Variants in THADA observed in about 807,000 individuals in gnomAD.
The protein encoded by THADA is tRNA (32-2'-O)-methyltransferase regulator THADA.
In THADA, 213 loss-of-function variants were observed where a neutral mutation model predicts 219.8. That is an observed-to-expected ratio of 0.97 (90% CI 0.87 to 1.09). The LOEUF (loss-of-function observed/expected upper bound fraction) is 1.09, where lower values mean the gene tolerates loss of function less well. Ranked by LOEUF, THADA falls within the 50% of genes least tolerant of loss-of-function variation. THADA has a pLI of 0.00. For synonymous variants in THADA, 1,018 were observed against 828.9 expected (o/e 1.23, Z -3.92); for missense variants, 2,956 against 2,311.3 (o/e 1.28, Z -5.72).
intron 36 of THADA, among the ~76,000 whole-genome samples, chr2:43,243,313 TGTCAGA>T (rs1287192223): frequency 4.6e-5 from 7 of 152,186 alleles, no homozygotes; most frequent in African/African-American, 1.7e-4. Context: ...CATTTTTGGT[TGTCAGA>T]GTCAGAGTTG....
chr2:43,246,375 G>T (rs1669148687), intron 36 of THADA, among the ~76,000 whole-genome samples: 1 of 152,052 alleles, frequency 6.6e-6, no homozygotes, highest in South Asian at 2.1e-4. Flanking sequence ...GGCGCCTGTA[G>T]TCCCAGCTAC....
chr2:43,458,701 G>A (rs1291228997), intron 26 of THADA, among the ~76,000 whole-genome samples: 1 of 152,024 alleles, frequency 6.6e-6, no homozygotes, highest in Non-Finnish European at 1.5e-5. Flanking sequence ...TGAAGAAAAT[G>A]AAAACAACCA....
At chr2:43,504,356 CCA>C (rs1296065540) in intron 24 of THADA, among the ~76,000 whole-genome samples, 1 of 152,060 alleles carries the variant, frequency 6.6e-6, no homozygotes, top group African/African-American at 2.4e-5. Flanking sequence ...GGATTCTTTC[CCA>C]CAGTCCACAT....
At chr2:43,327,808 A>T (rs933313346) in intron 30 of THADA, among the ~76,000 whole-genome samples, 3 of 152,158 alleles carry the variant, frequency 2.0e-5, no homozygotes, top group Non-Finnish European at 2.9e-5. Flanking sequence ...CTATTTCTAG[A>T]GGATTACTTT....
At chr2:43,302,212 G>C (rs975435301) in intron 31 of THADA, among the ~76,000 whole-genome samples, 2 of 151,994 alleles carry the variant, frequency 1.3e-5, no homozygotes, top group South Asian at 4.2e-4. Context: ...TGATAGATTT[G>C]GGTTTCTTCT....
chr2:43,265,486 CG>C (rs1340504439), intron 36 of THADA, among the ~76,000 whole-genome samples: 4 of 152,158 alleles, frequency 2.6e-5, no homozygotes. Context: ...AGACTTGTGC[CG>C]GGCCCTTTCC....
At chr2:43,266,887 G>A (rs1671587523) in intron 36 of THADA, among the ~76,000 whole-genome samples, 1 of 152,208 alleles carries the variant, frequency 6.6e-6, no homozygotes, top group African/African-American at 2.4e-5. Flanking sequence ...CCAAACTTGA[G>A]CCTCCCCTCT....
intron 28 of THADA, among the ~76,000 whole-genome samples, chr2:43,401,274 G>C (rs1674800593): frequency 6.6e-6 from 1 of 152,098 alleles, no homozygotes; most frequent in Admixed American, 6.6e-5. Context: ...TGTGACATGA[G>C]ACATGACACT....
chr2:43,297,340 C>G (rs77481850), intron 31 of THADA, among the ~76,000 whole-genome samples: 2 of 84,268 alleles, frequency 2.4e-5, no homozygotes, highest in African/African-American at 8.2e-5. Flanking sequence ...CCCCTCCGCC[C>G]GGCAGCTGCC....
At chr2:43,525,618 G>A (rs1048171760) in intron 22 of THADA, among the ~76,000 whole-genome samples, 31 of 152,252 alleles carry the variant, frequency 2.0e-4, no homozygotes, top group East Asian at 9.6e-4. Flanking sequence ...CCATAAATGC[G>A]AGTGAAGTTG....
chr2:43,370,334 T>C (rs1670650166), intron 29 of THADA: 2 of 152,246 alleles, frequency 1.3e-5, no homozygotes, highest in Non-Finnish European at 2.9e-5. Flanking sequence ...CCCTGTGTTC[T>C]TTCCACCATC....
At chr2:43,569,060 C>A (rs1293527466) in intron 14 of THADA, among the ~76,000 whole-genome samples, 4 of 152,120 alleles carry the variant, frequency 2.6e-5, no homozygotes, top group Non-Finnish European at 2.9e-5. Context: ...CAGCCCTCAC[C>A]TCCCAGACTC....
intron 8 of THADA, among the ~76,000 whole-genome samples, chr2:43,579,109 C>T (rs879900986): frequency 6.6e-6 from 1 of 152,346 alleles, no homozygotes; most frequent in East Asian, 1.9e-4. Context: ...GGATTACAGG[C>T]ATGAGCCACT....
At chr2:43,535,107 T>C (rs930125358) in intron 21 of THADA, among the ~76,000 whole-genome samples, 4 of 151,842 alleles carry the variant, frequency 2.6e-5, no homozygotes, top group African/African-American at 7.3e-5. Flanking sequence ...ATGTTGAACA[T>C]TTTTTCATAT....
chr2:43,231,491 A>G (rs1401515888), intron 37 of THADA, 148 bp from the exon 38 acceptor site: 7 of 680,964 alleles, frequency 1.0e-5, no homozygotes, highest in Non-Finnish European at 1.6e-5. Context: ...ACATCCATGT[A>G]CACACACCAC....
chr2:43,579,073 G>A (rs1032699411), intron 8 of THADA, among the ~76,000 whole-genome samples: 10 of 152,052 alleles, frequency 6.6e-5, no homozygotes, highest in Non-Finnish European at 1.3e-4. Flanking sequence ...CTTGTGATCC[G>A]CCTGCCTCGG....
At position 43,292,989 on chromosome 2, in the gene THADA, CAGGGA is replaced by C. The variant is rs1397952805; in HGVS notation, c.4658_4662del (p.Phe1553Ter). The C allele has an allele frequency of 1.2e-6, 2 of 1,614,002 alleles. No individual in the cohort carries two copies. Among genetic ancestry groups the C allele is most frequent in the Admixed American group, 3.3e-5 (2 of 60,020 alleles). On this transcript the variant is annotated frameshift_variant, in exon 32 of 38. Transcript: ENST00000405975. LOFTEE classifies it high-confidence loss of function. ...GCTTCCAGTGTTAGTGAGCGCACTT[CAGGGA>C]AGGCAGATTCTAACAGCTGAGAGAA... is the stretch of plus-strand genomic sequence containing the variant.
chr2:43,402,665 G>A (rs1675003228), intron 28 of THADA, among the ~76,000 whole-genome samples: 1 of 152,190 alleles, frequency 6.6e-6, no homozygotes, highest in Admixed American at 6.5e-5. Flanking sequence ...CACTTGGTCA[G>A]GTACCAGAGA....
chr2:43,278,217 C>T (rs915997245), intron 36 of THADA, among the ~76,000 whole-genome samples: 1 of 152,104 alleles, frequency 6.6e-6, no homozygotes, highest in African/African-American at 2.4e-5. Flanking sequence ...TCCCAAAGTG[C>T]TGAGATTACA....
Sources: allele counts gnomAD v4.1 joint callset (sites outside exome capture counted in the v4.1 genomes callset), GRCh38; gene constraint gnomAD v4.1.1; transcripts MANE v1.5; gene names NCBI Gene and HGNC (gene_info 2026-07-23, HGNC 2026-07-21).